The following SLC9D1 variants were observed in gnomAD, a reference collection of about 807,000 sequenced individuals.
The protein encoded by SLC9D1 is putative LAG1-interacting protein.
chr13:113,531,057 G>A, the SLC9D1 span, among the ~76,000 whole-genome samples: 1 of 152,216 alleles, frequency 6.6e-6, no homozygotes, highest in Non-Finnish European at 1.5e-5. Context: ...GACAGCACCT[G>A]TCATAGTGGG....
At chr13:113,511,291 A>G in the SLC9D1 span, among the ~76,000 whole-genome samples, 1 of 152,262 alleles carries the variant, frequency 6.6e-6, no homozygotes, top group East Asian at 1.9e-4. Context: ...CCCTGCACAG[A>G]ACACACAGGC....
the SLC9D1 span, among the ~76,000 whole-genome samples, chr13:113,509,293 C>T: frequency 1.5e-5 from 2 of 136,364 alleles, no homozygotes; most frequent in African/African-American, 5.9e-5. Context: ...GGTGGGTCCC[C>T]CCTGGAGCTT....
At chr13:113,506,285 C>A in the SLC9D1 span, among the ~76,000 whole-genome samples, 1 of 96,766 alleles carries the variant, frequency 1.0e-5, no homozygotes, top group Non-Finnish European at 1.9e-5. Context: ...GGGAGTGGGC[C>A]GCGTGCTGCC....
At chr13:113,498,331 CA>C in the SLC9D1 span, 4 of 1,515,692 alleles carry the variant, frequency 2.6e-6, no homozygotes, top group South Asian at 2.7e-5. Flanking sequence ...TCTTTTCTTA[CA>C]AATGAATAGG....
At chr13:113,538,240 G>GTGCGTGTGGTGTATA in the SLC9D1 span, among the ~76,000 whole-genome samples, 60,169 of 151,730 alleles carry the variant, frequency 0.4, 13,857 homozygotes, top group African/African-American at 0.64. Context: ...TTTGTGTGGT[G>GTGCGTGTGGTGTATA]TGTGTGTGGT....
the SLC9D1 span, among the ~76,000 whole-genome samples, chr13:113,522,359 G>A: frequency 2.0e-5 from 3 of 152,028 alleles, no homozygotes. Flanking sequence ...GTTGTTGTTT[G>A]AGACGGAGTC....
the SLC9D1 span, among the ~76,000 whole-genome samples, chr13:113,501,157 C>A: frequency 6.6e-6 from 1 of 152,140 alleles, no homozygotes. Context: ...CAGTGGAATT[C>A]TAGGACTCAG....
the SLC9D1 span, among the ~76,000 whole-genome samples, chr13:113,500,342 T>C: frequency 6.6e-6 from 1 of 152,236 alleles, no homozygotes; most frequent in Non-Finnish European, 1.5e-5. Flanking sequence ...AATAAGATAC[T>C]TTAATATTTA....
the SLC9D1 span, among the ~76,000 whole-genome samples, chr13:113,499,770 C>A: frequency 6.6e-6 from 1 of 152,190 alleles, no homozygotes; most frequent in Non-Finnish European, 1.5e-5. Context: ...TGAAGTAGAT[C>A]TTGGAAAGTA....
the SLC9D1 span, among the ~76,000 whole-genome samples, chr13:113,495,210 G>A: frequency 6.6e-6 from 1 of 152,274 alleles, no homozygotes; most frequent in Admixed American, 6.5e-5. Flanking sequence ...GGTGGAGTTG[G>A]TAGAGATACG....
the SLC9D1 span, among the ~76,000 whole-genome samples, chr13:113,532,263 A>G: frequency 3.2e-4 from 49 of 152,318 alleles, no homozygotes; most frequent in Non-Finnish European, 4.9e-4. Context: ...CCTGCGAATG[A>G]TTCAAACAGG....
At chr13:113,507,148 C>T in the SLC9D1 span, among the ~76,000 whole-genome samples, 3 of 151,910 alleles carry the variant, frequency 2.0e-5, no homozygotes, top group Non-Finnish European at 4.4e-5. Context: ...GAGGGTCTCC[C>T]GGTCCCAACT....
chr13:113,499,828 AAAG>A, the SLC9D1 span: 1 of 482,688 alleles, frequency 2.1e-6, no homozygotes, highest in Non-Finnish European at 3.5e-6. Flanking sequence ...TTTAATTGAA[AAAG>A]AAGTCCTAAT....
the SLC9D1 span, among the ~76,000 whole-genome samples, chr13:113,502,989 CG>C: frequency 6.6e-6 from 1 of 152,216 alleles, no homozygotes; most frequent in African/African-American, 2.4e-5. Flanking sequence ...GGACAGGGCT[CG>C]CCTTGGCAGA....
the SLC9D1 span, chr13:113,524,147 G>A: frequency 2.2e-6 from 1 of 456,538 alleles, no homozygotes; most frequent in Non-Finnish European, 4.4e-6. Flanking sequence ...GCTATTTCGT[G>A]TTCTTGCTGT....
the SLC9D1 span, among the ~76,000 whole-genome samples, chr13:113,509,422 T>G: frequency 8.2e-6 from 1 of 122,412 alleles, no homozygotes; most frequent in African/African-American, 3.8e-5. Context: ...ACTGGCGGGC[T>G]TGGTGGGTGG....
At chr13:113,526,587 C>T in the SLC9D1 span, among the ~76,000 whole-genome samples, 3 of 151,062 alleles carry the variant, frequency 2.0e-5, no homozygotes, top group South Asian at 4.2e-4. Context: ...GGCGTGGTGG[C>T]GCACACCCAT....
At chr13:113,493,504 A>G in the SLC9D1 span, among the ~76,000 whole-genome samples, 6 of 152,204 alleles carry the variant, frequency 3.9e-5, no homozygotes, top group Non-Finnish European at 7.3e-5. Context: ...CTATATGGCT[A>G]GGCATGACTA....
the SLC9D1 span, chr13:113,549,716 T>G: frequency 1.2e-6 from 1 of 807,582 alleles, no homozygotes; most frequent in Non-Finnish European, 2.2e-6. Context: ...TATTTTAGAA[T>G]TTTCCGGAGT....
Sources: gnomAD v4.1 joint callset for allele counts (sites outside exome capture counted in the v4.1 genomes callset) on GRCh38, gnomAD v4.1.1 for gene constraint, MANE v1.5 for transcripts, NCBI Gene and HGNC (gene_info 2026-07-23, HGNC 2026-07-21) for gene names.